Variants in CLEC16A observed in about 807,000 individuals in gnomAD.
CLEC16A encodes the protein protein CLEC16A.
CLEC16A carries 51 observed loss-of-function variants against 109.5 expected under a neutral mutation model. The observed-to-expected ratio is 0.47, with a 90% CI of 0.37 to 0.59. CLEC16A has a LOEUF of 0.59. Ranked by LOEUF, CLEC16A falls within the 20% of genes least tolerant of loss-of-function variation. The probability of loss-of-function intolerance (pLI) is 0.00; values close to 1 mark genes in which losing one functional copy is unlikely to be tolerated. For synonymous variants in CLEC16A, 673 were observed against 564.2 expected (o/e 1.19, Z -2.73); for missense variants, 1,339 against 1,394.0 (o/e 0.96, Z 0.63).
chr16:11,038,996 T>C (rs1391580618), intron 13 of CLEC16A, among the ~76,000 whole-genome samples: 1 of 152,068 alleles, frequency 6.6e-6, no homozygotes, highest in Non-Finnish European at 1.5e-5. Context: ...GAGGGCACAA[T>C]TGTTGGGGAT....
intron 22 of CLEC16A, among the ~76,000 whole-genome samples, chr16:11,139,161 C>T (rs1056167604): frequency 2.6e-5 from 4 of 152,148 alleles, no homozygotes; most frequent in Admixed American, 6.6e-5. Flanking sequence ...AGAAGGCCTT[C>T]GGGAGTTGTG....
chr16:11,030,208 A>G (rs2046657966), intron 13 of CLEC16A, among the ~76,000 whole-genome samples: 1 of 152,242 alleles, frequency 6.6e-6, no homozygotes, highest in African/African-American at 2.4e-5. Flanking sequence ...CATACAATGT[A>G]TGCCCATACA....
intron 22 of CLEC16A, among the ~76,000 whole-genome samples, chr16:11,134,456 A>C (rs533706069): frequency 6.6e-6 from 1 of 152,154 alleles, no homozygotes; most frequent in Non-Finnish European, 1.5e-5. Context: ...GCAAGACTGC[A>C]GAGCTCACAT....
chr16:11,019,769 CAAAAAAAA>C (rs59863035), intron 11 of CLEC16A, among the ~76,000 whole-genome samples: 2 of 81,200 alleles, frequency 2.5e-5, no homozygotes, highest in Admixed American at 1.3e-4. Flanking sequence ...GACTCTGTCT[CAAAAAAAA>C]AAAAAAAAAA....
chr16:11,166,064 G>A (rs1048807534), intron 22 of CLEC16A, among the ~76,000 whole-genome samples: 37 of 152,154 alleles, frequency 2.4e-4, no homozygotes, highest in Middle Eastern at 3.2e-3. Context: ...AACTTGCCAC[G>A]AGGCTGCACG....
chr16:11,098,193 G>C (rs1001106955), intron 19 of CLEC16A, among the ~76,000 whole-genome samples: 4 of 152,216 alleles, frequency 2.6e-5, no homozygotes, highest in African/African-American at 7.2e-5. Flanking sequence ...CACTAGCATG[G>C]TGGCAAACAA....
intron 3 of CLEC16A, among the ~76,000 whole-genome samples, chr16:10,967,742 CTG>C (rs1035760286): frequency 6.6e-6 from 1 of 152,162 alleles, no homozygotes; most frequent in African/African-American, 2.4e-5. Flanking sequence ...CTTCATGAAA[CTG>C]GGGCGTGGGG....
At chr16:11,013,271 C>T (rs570741887) in intron 11 of CLEC16A, among the ~76,000 whole-genome samples, 1 of 152,268 alleles carries the variant, frequency 6.6e-6, no homozygotes, top group South Asian at 2.1e-4. Flanking sequence ...TTATAAGCTA[C>T]TTGGATTAAT....
intron 15 of CLEC16A, 108 bp from the exon 16 acceptor site, chr16:11,043,920 T>C (rs2047488949): frequency 1.4e-6 from 1 of 710,098 alleles, no homozygotes; most frequent in Non-Finnish European, 2.3e-6. Flanking sequence ...TTAAGGATAT[T>C]AGTCCAGATC....
rs200379674 is a variant in CLEC16A at position 11,003,033 on chromosome 16, A to G, written c.1072-41A>G. The G allele has an allele frequency of 6.7e-5, 101 of 1,508,634 alleles. No homozygotes were observed. The African/African-American group carries it at 1.3e-3, about 19-fold the overall frequency. The allele number at this position is 1,508,634 out of a possible 1,614,324, so 93.5% of individuals were successfully genotyped here. On this transcript the variant is annotated intron_variant, in intron 10 of 23. Transcript: ENST00000409790. ...ACTTGATAGCATCCAGCAGGATTCT[A>G]GTGTTCAAATTCACCTGTTGCCTTC...
intron 11 of CLEC16A, among the ~76,000 whole-genome samples, chr16:11,015,954 A>G (rs2045720778): frequency 6.6e-6 from 1 of 152,250 alleles, no homozygotes; most frequent in Non-Finnish European, 1.5e-5. Flanking sequence ...GGAGGAGGCT[A>G]GCCTCACAGG....
intron 22 of CLEC16A, among the ~76,000 whole-genome samples, chr16:11,136,681 C>T (rs1038611415): frequency 2.0e-5 from 3 of 152,220 alleles, no homozygotes; most frequent in Non-Finnish European, 4.4e-5. Context: ...TGTAATAGAG[C>T]AGGCAGAATT....
chr16:10,972,599 C>T, intron 6 of CLEC16A, 40 bp downstream of exon 6: 1 of 1,560,458 alleles, frequency 6.4e-7, no homozygotes, highest in East Asian at 2.2e-5. Context: ...TCTTAATCTA[C>T]CCTTATATGT....
chr16:10,977,632 G>A (rs1195820789), intron 8 of CLEC16A, among the ~76,000 whole-genome samples: 1 of 152,152 alleles, frequency 6.6e-6, no homozygotes, highest in East Asian at 1.9e-4. Context: ...TCCTGCCTCA[G>A]CCTCCCGAGT....
At chr16:11,142,520 G>A (rs1019286563) in intron 22 of CLEC16A, among the ~76,000 whole-genome samples, 7 of 152,212 alleles carry the variant, frequency 4.6e-5, no homozygotes, top group Non-Finnish European at 7.3e-5. Flanking sequence ...TCACAGCCCC[G>A]GCTGGCTCTG....
chr16:11,074,870 C>G (rs1007578393), intron 19 of CLEC16A, among the ~76,000 whole-genome samples: 2 of 151,992 alleles, frequency 1.3e-5, no homozygotes, highest in Non-Finnish European at 2.9e-5. Context: ...CTTTTTTTGC[C>G]TATTAAAATT....
intron 19 of CLEC16A, among the ~76,000 whole-genome samples, chr16:11,084,672 C>T (rs868558168): frequency 1.4e-4 from 22 of 152,272 alleles, no homozygotes; most frequent in African/African-American, 4.3e-4. Context: ...TCTGAACTCG[C>T]CGGCTATATG....
rs1298143362 is a variant in CLEC16A, at chr16:11,178,707, C to T, written c.*17C>T. 3 of 1,451,398 alleles carry T rather than the reference C, an allele frequency of 2.1e-6. No homozygotes were observed. Among genetic ancestry groups the T allele is most frequent in the Admixed American group, 2.5e-5 (1 of 40,450 alleles). The allele number at this position is 1,451,398 out of a possible 1,614,324, so 89.9% of individuals were successfully genotyped here. A position where few individuals can be genotyped will look rare whatever the true frequency, so the allele number is the denominator to read the frequency against. On this transcript the variant is annotated 3_prime_UTR_variant, in exon 24 of 24. Transcript: ENST00000409790. This position sits in a 1 kb window ranked among gnomAD's most constrained non-coding sequence, Gnocchi z 6.5. ...GAGGACTGAGTCAGTGCCGGGGCCTCCCTTTGTGTGTGTGGCCCCGCTGGT... is the reference window on the plus strand; with the variant it reads ...GAGGACTGAGTCAGTGCCGGGGCCTTCCTTTGTGTGTGTGGCCCCGCTGGT...
At chr16:11,160,174 T>G (rs970664599) in intron 22 of CLEC16A, among the ~76,000 whole-genome samples, 1 of 151,978 alleles carries the variant, frequency 6.6e-6, no homozygotes, top group Non-Finnish European at 1.5e-5. Flanking sequence ...ATCCTCAGAG[T>G]AATTACCAAG....
Sources: allele counts gnomAD v4.1 joint callset (sites outside exome capture counted in the v4.1 genomes callset), GRCh38; gene constraint gnomAD v4.1.1; non-coding constraint Gnocchi (gnomAD v3.1); transcripts MANE v1.5; gene names NCBI Gene and HGNC (gene_info 2026-07-23, HGNC 2026-07-21).